The following LPIN3 variants were observed in gnomAD, a reference collection of about 807,000 sequenced individuals.
The protein encoded by LPIN3 is lipin 3, also known as phosphatidate phosphatase LPIN3.
In LPIN3, 82 loss-of-function variants were observed where a neutral mutation model predicts 94.7. The ratio of observed to expected loss-of-function variants is 0.87; its 90% confidence interval spans 0.72 to 1.04. The LOEUF (loss-of-function observed/expected upper bound fraction) is 1.04, where lower values mean the gene tolerates loss of function less well. Among genes scored for constraint, LPIN3 ranks in the 50% least tolerant of loss-of-function variants. LPIN3 has a pLI of 0.00. For missense variants in LPIN3, 996 were observed against 1,090.5 expected, an observed-to-expected ratio of 0.91 and a Z score of 1.22; for synonymous variants, 418 against 443.3, an observed-to-expected ratio of 0.94 and a Z score of 0.72.
Position 41,352,076 on chromosome 20 carries a change from G to A in LPIN3, c.1219G>A (p.Ala407Thr). 1 of 1,614,200 alleles carries A rather than the reference G, an allele frequency of 6.2e-7. No homozygotes were observed. The highest frequency in any genetic ancestry group is 2.2e-5 in the East Asian group (1 of 44,890). The part of the protein sequence containing the change: ...YFPQSDSGLG[A>T]RRWSEPSSQK... ...TGCCTGCAGTGACTCTGGGCTGGGG[G>A]CCAGAAGATGGAGTGAACCCAGCAG... Residue 407 changes from alanine to threonine, a missense_variant, in exon 9 of 20, where the codon GCC becomes ACC. By Grantham distance (58) the Ala-to-Thr change is moderately conservative. Coordinates refer to ENST00000373257, the MANE Select transcript of LPIN3 (RefSeq NM_022896.3).
At chr20:41,351,486 G>A (rs185859125) in intron 7 of LPIN3, among the ~76,000 whole-genome samples, 1 of 151,592 alleles carries the variant, frequency 6.6e-6, no homozygotes, top group African/African-American at 2.4e-5. Context: ...TAGTAGAAAT[G>A]GGGTTTCACC....
At chr20:41,358,160 A>T in intron 17 of LPIN3, 77 bp from the exon 18 acceptor site, 1 of 1,583,162 alleles carries the variant, frequency 6.3e-7, no homozygotes, top group Non-Finnish European at 8.6e-7. Context: ...CAGACCCCCC[A>T]TCACCTGAGC....
Position 41,348,861 on chromosome 20 carries a change from G to T in LPIN3, c.531G>T (p.Pro177=). 6.2e-7 allele frequency: 1 copy of T among 1,606,442 alleles called. No individual in the cohort carries two copies. Among genetic ancestry groups the T allele is most frequent in the African/African-American group, 1.3e-5 (1 of 74,916 alleles). ...EAGAESELSL[P]EKLRPEPPGV... ...GCGCTGAGAGTGAGCTATCCCTGCCGGAAAAGCTGAGGCCAGAGCCCCCAG... is the reference window on the plus strand; with the variant it reads ...GCGCTGAGAGTGAGCTATCCCTGCCTGAAAAGCTGAGGCCAGAGCCCCCAG... Residue 177 remains proline (P), a synonymous_variant, in exon 4 of 20, where the codon CCG becomes CCT. Coordinates refer to ENST00000373257, the MANE Select transcript of LPIN3 (RefSeq NM_022896.3).
rs764655015 is a variant in LPIN3 at position 41,357,073 on chromosome 20, G to A, written c.1837G>A (p.Val613Met). The A allele has an allele frequency of 4.3e-6, 7 of 1,613,894 alleles. No individual in the cohort carries two copies. The highest frequency in any genetic ancestry group is 5.1e-6 in the Non-Finnish European group (6 of 1,179,916). Residue 613 changes from valine (V) to methionine (M), a missense_variant, in exon 15 of 20, where the codon GTG becomes ATG. Val to Met is a conservative substitution (Grantham distance 21, BLOSUM62 1). Coordinates refer to ENST00000373257, the MANE Select transcript of LPIN3 (RefSeq NM_022896.3). ...GAACCTGCAAGAAGGTGCCAATGAT[G>A]TGGTCTTCAGCGTGACCACTCAGTA... Reference protein sequence around the residue: ...RLNLQEGANDVVFSVTTQYQG... With the variant: ...RLNLQEGANDMVFSVTTQYQG...
rs1569002976 is a variant in LPIN3 at position 41,352,208 on chromosome 20, G to A, written c.1351G>A (p.Asp451Asn). The change falls in exon 9 of 20, where the codon GAC (aspartate) becomes AAC (asparagine). Residue 451 changes from aspartate (D) to asparagine (N), a missense_variant. Physicochemically the swap from Asp to Asn is conservative, Grantham distance 23. Coordinates refer to ENST00000373257, the MANE Select transcript of LPIN3 (RefSeq NM_022896.3). The stretch of plus-strand genomic sequence containing the variant: ...CTGTGGTGGACTGGCTGACAGCCGG[G>A]ACATCTCCCTAGGTATGTTCGACCA... ...SLCGGLADSRDISLEKFNQHS... is the reference protein window; with the variant it reads ...SLCGGLADSRNISLEKFNQHS... The A allele has an allele frequency of 1.2e-6, 2 of 1,614,062 alleles. No individual in the cohort carries two copies. Among genetic ancestry groups the A allele is most frequent in the Middle Eastern group, 1.6e-4 (1 of 6,084 alleles).
chr20:41,355,544 G>T (rs1433112176), intron 13 of LPIN3, among the ~76,000 whole-genome samples: 3 of 152,242 alleles, frequency 2.0e-5, no homozygotes, highest in Non-Finnish European at 2.9e-5. Flanking sequence ...GCTGCCTAAG[G>T]CTGGGTGGAG....
chr20:41,352,599 T>C lies in LPIN3; in HGVS notation c.1364-7T>C. The C allele has an allele frequency of 6.2e-7, 1 of 1,612,880 alleles. No homozygotes were observed. Among genetic ancestry groups the C allele is most frequent in the Non-Finnish European group, 8.5e-7 (1 of 1,178,878 alleles). On this transcript the variant is annotated splice_polypyrimidine_tract_variant and splice_region_variant and intron_variant, in intron 9 of 19. Transcript: ENST00000373257. ...AGCCTCACCCCTCACTCTGCCTCTGTGCCCAGAGAAATTCAACCAGCACAG... is the reference window on the plus strand; with the variant it reads ...AGCCTCACCCCTCACTCTGCCTCTGCGCCCAGAGAAATTCAACCAGCACAG...
At chr20:41,349,748 A>G (rs371857185) in intron 5 of LPIN3, 26 bp from the exon 6 acceptor site, 19 of 1,600,944 alleles carry the variant, frequency 1.2e-5, no homozygotes, top group Non-Finnish European at 1.4e-5. Context: ...AGGCAGGCTC[A>G]AGGCCTCTCA....
In LPIN3 at chr20:41,359,700, C is replaced by T. The variant is rs2046331238; in HGVS notation, c.*834C>T. ...TTGCTGGTGCCCTGGCATCTCAGCA[C>T]ATGACACACACCCACACCTGCAGGC... On this transcript the variant is annotated 3_prime_UTR_variant, in exon 20 of 20. Transcript: ENST00000373257. The T allele has an allele frequency of 6.6e-6, 1 of 152,564 alleles. No individual in the cohort carries two copies. Among genetic ancestry groups the T allele is most frequent in the African/African-American group, 2.4e-5 (1 of 41,438 alleles). The allele number at this position is 152,564 out of a possible 1,614,324, so 9.5% of individuals were successfully genotyped here.
At position 41,351,917 on chromosome 20, in the gene LPIN3, A is replaced by T; in HGVS notation, c.1199A>T (p.Gln400Leu). The change falls in exon 8 of 20, where the codon CAA (glutamine) becomes CTA (leucine). Residue 400 changes from glutamine to leucine, a missense_variant. Coordinates refer to ENST00000373257, the MANE Select transcript of LPIN3 (RefSeq NM_022896.3). ...GAGAATGCAGCGCTTTACTTCCCCC[A>T]AAGGTGCCTGGGTTCTGGATGCCAG... ...DSENAALYFPQSDSGLGARRW... is the reference protein window; with the variant it reads ...DSENAALYFPLSDSGLGARRW... 6.2e-7 allele frequency: 1 copy of T among 1,614,090 alleles called. No individual in the cohort carries two copies. Among genetic ancestry groups the T allele is most frequent in the Non-Finnish European group, 8.5e-7 (1 of 1,180,006 alleles).
intron 4 of LPIN3, 92 bp downstream of exon 4, chr20:41,348,979 A>C (rs1417930244): frequency 3.8e-6 from 6 of 1,573,918 alleles, no homozygotes; most frequent in Non-Finnish European, 5.2e-6. Flanking sequence ...AAGGGCCTTG[A>C]CCTCTCTGAG....
In LPIN3 at chr20:41,350,088, G is replaced by T; in HGVS notation, c.793G>T (p.Val265Phe). The T allele has an allele frequency of 6.2e-7, 1 of 1,608,458 alleles. No individual in the cohort carries two copies. The change falls in exon 7 of 20, where the codon GTC (valine) becomes TTC (phenylalanine). Residue 265 changes from valine to phenylalanine, a missense_variant. Transcript: ENST00000373257. ...ARAERPESSV[V>F]LEGRAGATSP... is the part of the protein sequence containing the mutation. ...AGCTGAGCGGCCCGAGTCCTCAGTG[G>T]TCCTTGAAGGCAGAGCTGGGGCAAC...
intron 1 of LPIN3, among the ~76,000 whole-genome samples, chr20:41,344,422 G>A (rs2045697505): frequency 6.6e-6 from 1 of 152,196 alleles, no homozygotes; most frequent in African/African-American, 2.4e-5. Context: ...CTTAACCTTG[G>A]GTAAGTCACT....
In LPIN3 at chr20:41,348,650, C is replaced by G. The variant is rs756072581; in HGVS notation, c.320C>G (p.Pro107Arg). The change falls in exon 4 of 20, where the codon CCC (proline) becomes CGC (arginine). Residue 107 changes from proline (P) to arginine (R), a missense_variant. Transcript: ENST00000373257. ...GTGCCTCCCGGCCTGTGCACCTCAC[C>G]CATCCCTTGGGGGGGTCTGTCTGGC... ...EHVPPGLCTSPIPWGGLSGFP... is the reference protein window; with the variant it reads ...EHVPPGLCTSRIPWGGLSGFP... 2 of 1,613,002 alleles carry G rather than the reference C, an allele frequency of 1.2e-6. No individual in the cohort carries two copies. The highest frequency in any genetic ancestry group is 1.7e-5 in the Admixed American group (1 of 59,978).
In LPIN3 at chr20:41,350,400, G is replaced by A. The variant is rs770061586; in HGVS notation, c.1102+3G>A. On this transcript the variant is annotated splice_donor_region_variant and intron_variant, in intron 7 of 19. Transcript: ENST00000373257. ...AGAGAGGGTCTCCAGGGGGAAAGGT[G>A]AGTGACGCTGGGTCTCTCCCACTGC... The A allele has an allele frequency of 5.1e-6, 8 of 1,553,884 alleles. No individual in the cohort carries two copies.
rs150330953 is a variant in LPIN3, at chr20:41,355,613, G to C, written c.1665-283G>C. On this transcript the variant is annotated intron_variant, in intron 13 of 19. Coordinates refer to ENST00000373257, the MANE Select transcript of LPIN3 (RefSeq NM_022896.3). ...AGGTGGGGTTGGGAATAAGCCCAGAGATACACTTTAGGTATTTCAGGTAAA... is the reference window on the plus strand; with the variant it reads ...AGGTGGGGTTGGGAATAAGCCCAGACATACACTTTAGGTATTTCAGGTAAA... 2.6e-4 allele frequency among the ~76,000 whole-genome samples: 40 copies of C among 152,348 alleles called. No homozygotes were observed. The East Asian group carries it at 7.1e-3, about 27-fold the overall frequency.
At position 41,357,992 on chromosome 20, in the gene LPIN3, C is replaced by G; in HGVS notation, c.2150C>G (p.Pro717Arg). Residue 717 changes from proline to arginine, a missense_variant, in exon 17 of 20, where the codon CCC becomes CGC. By Grantham distance (103) the Pro-to-Arg change is moderately radical. Coordinates refer to ENST00000373257, the MANE Select transcript of LPIN3 (RefSeq NM_022896.3). Reference sequence around the variant, plus strand: ...GGGGGCTGTAGCCTCCCCAAGGGCCCCATCCTTCTGTCTCCCAGCAGCCTC... The same window carrying G: ...GGGGGCTGTAGCCTCCCCAAGGGCCGCATCCTTCTGTCTCCCAGCAGCCTC... ...SEGGCSLPKG[P>R]ILLSPSSLFS... 3 of 1,611,854 alleles carry G rather than the reference C, an allele frequency of 1.9e-6. No homozygotes were observed. The highest frequency in any genetic ancestry group is 2.5e-6 in the Non-Finnish European group (3 of 1,179,062).
intron 2 of LPIN3, 52 bp downstream of exon 2, chr20:41,346,047 T>C: frequency 1.9e-6 from 3 of 1,568,868 alleles, no homozygotes; most frequent in Non-Finnish European, 2.6e-6. Context: ...CTTTTTAAGC[T>C]GGGGCAGCCA....
intron 2 of LPIN3, 41 bp downstream of exon 2, chr20:41,346,036 G>A (rs771588289): frequency 6.3e-6 from 10 of 1,583,584 alleles, no homozygotes; most frequent in Non-Finnish European, 8.6e-6. Context: ...TGCAGAGTGG[G>A]CTTTTTAAGC....
Sources: gnomAD v4.1 joint callset for allele counts (sites outside exome capture counted in the v4.1 genomes callset) on GRCh38, gnomAD v4.1.1 for gene constraint, MANE v1.5 for transcripts, NCBI Gene and HGNC (gene_info 2026-07-23, HGNC 2026-07-21) for gene names.